Variants in GRID2 observed in about 807,000 individuals in gnomAD.
The protein encoded by GRID2 is glutamate receptor ionotropic, delta-2.
GRID2 carries 33 observed loss-of-function variants against 114.8 expected under a neutral mutation model. The ratio of observed to expected loss-of-function variants is 0.29; its 90% CI spans 0.22 to 0.38. GRID2 has a LOEUF of 0.38. Ranked by LOEUF, GRID2 falls within the 10% of genes least tolerant of loss-of-function variation. The pLI is 1.00. For missense variants in GRID2, 1,184 were observed against 1,257.7 expected (o/e 0.94, Z 0.89); for synonymous variants, 505 against 449.9 (o/e 1.12, Z -1.55).
chr4:93,233,979 C>T (rs1223421164), intron 7 of GRID2, among the ~76,000 whole-genome samples: 3 of 152,060 alleles, frequency 2.0e-5, no homozygotes, highest in East Asian at 1.9e-4. Context: ...CCTTTTAAAA[C>T]GTCTGCATAC....
chr4:93,035,603 C>A (rs1331529449), intron 2 of GRID2, among the ~76,000 whole-genome samples: 3 of 152,112 alleles, frequency 2.0e-5, no homozygotes, highest in African/African-American at 4.8e-5. Context: ...GAAGATATAA[C>A]CTAGGCTACT....
chr4:93,208,138 G>C (rs567901965), intron 5 of GRID2, among the ~76,000 whole-genome samples: 1 of 151,760 alleles, frequency 6.6e-6, no homozygotes, highest in Middle Eastern at 3.4e-3. Flanking sequence ...TGTAGTACTT[G>C]GTCATACCTA....
intron 2 of GRID2, among the ~76,000 whole-genome samples, chr4:93,009,655 G>A (rs1274791621): frequency 6.6e-6 from 1 of 152,004 alleles, no homozygotes; most frequent in East Asian, 1.9e-4. Flanking sequence ...TCTGAATTCA[G>A]GAATTTTTTA....
chr4:93,719,279 A>G (rs1031610953), intron 14 of GRID2, among the ~76,000 whole-genome samples: 1 of 152,114 alleles, frequency 6.6e-6, no homozygotes, highest in African/African-American at 2.4e-5. Flanking sequence ...GACAAGATAA[A>G]CAGAAGAATC....
chr4:93,421,196 A>G (rs181912534), intron 9 of GRID2, among the ~76,000 whole-genome samples: 1 of 152,272 alleles, frequency 6.6e-6, no homozygotes, highest in East Asian at 1.9e-4. Flanking sequence ...CAGGTAGCAG[A>G]AAGAATAAGA....
chr4:92,575,659 C>T (rs1727853104), intron 1 of GRID2, among the ~76,000 whole-genome samples: 1 of 152,334 alleles, frequency 6.6e-6, no homozygotes, highest in South Asian at 2.1e-4. Flanking sequence ...GTCCCTTCCT[C>T]TGGAAGCTCC....
downstream of GRID2, among the ~76,000 whole-genome samples, chr4:93,777,985 C>T (rs1734399537): frequency 6.6e-6 from 1 of 152,016 alleles, no homozygotes; most frequent in African/African-American, 2.4e-5. Context: ...ACATAGATAC[C>T]TATATGCAAA....
chr4:92,753,278 G>A (rs1737544059), intron 2 of GRID2, among the ~76,000 whole-genome samples: 1 of 152,142 alleles, frequency 6.6e-6, no homozygotes, highest in Admixed American at 6.6e-5. Flanking sequence ...TCTATAGAAT[G>A]ATACCACTTT....
intron 2 of GRID2, among the ~76,000 whole-genome samples, chr4:92,743,682 C>A (rs916953002): frequency 6.6e-6 from 1 of 152,042 alleles, no homozygotes; most frequent in Non-Finnish European, 1.5e-5. Context: ...AATCAGTGTC[C>A]ATGTTGTACA....
At chr4:93,695,614 A>G (rs569741218) in intron 14 of GRID2, among the ~76,000 whole-genome samples, 54 of 152,288 alleles carry the variant, frequency 3.5e-4, no homozygotes, top group African/African-American at 1.2e-3. Flanking sequence ...CGGTGCTGAA[A>G]AATCACCAAC....
chr4:93,756,210 G>A (rs1189908563), intron 14 of GRID2, among the ~76,000 whole-genome samples: 2 of 152,166 alleles, frequency 1.3e-5, no homozygotes, highest in Admixed American at 1.3e-4. Flanking sequence ...TTTCACTCCA[G>A]ATATGATTCA....
intron 1 of GRID2, among the ~76,000 whole-genome samples, chr4:93,780,913 T>C (rs17021105): frequency 0.14 from 20,686 of 152,156 alleles, 1,887 homozygotes; most frequent in Admixed American, 0.27. Flanking sequence ...ATAATTTCGG[T>C]ATGTGCTGAA....
intron 1 of GRID2, among the ~76,000 whole-genome samples, chr4:92,542,097 G>A (rs541801586): frequency 1.6e-4 from 24 of 152,126 alleles, no homozygotes; most frequent in African/African-American, 5.5e-4. Context: ...TGAAAATGTA[G>A]TTCCCAAATG....
intron 2 of GRID2, among the ~76,000 whole-genome samples, chr4:92,598,944 G>A (rs1729074508): frequency 6.6e-6 from 1 of 151,498 alleles, no homozygotes. Flanking sequence ...TGCGTAGTCA[G>A]CGACATATTT....
intron 4 of GRID2, among the ~76,000 whole-genome samples, chr4:93,118,916 A>C (rs1733528956): frequency 6.6e-6 from 1 of 152,252 alleles, no homozygotes; most frequent in Non-Finnish European, 1.5e-5. Context: ...ATGCAAAGTT[A>C]TTGAAATATT....
At chr4:93,362,032 G>A (rs1428482253) in intron 8 of GRID2, among the ~76,000 whole-genome samples, 1 of 151,920 alleles carries the variant, frequency 6.6e-6, no homozygotes, top group Non-Finnish European at 1.5e-5. Context: ...TTTTATTGGA[G>A]ATGGGCTGTT....
At chr4:93,598,208 C>A (rs1316595977) in intron 13 of GRID2, among the ~76,000 whole-genome samples, 6 of 152,184 alleles carry the variant, frequency 3.9e-5, no homozygotes, top group Admixed American at 2.0e-4. Context: ...ACTCTAGACT[C>A]TGTGTTCTTA....
At chr4:92,404,386 C>T (rs1560609718) in intron 1 of GRID2, among the ~76,000 whole-genome samples, 1 of 152,132 alleles carries the variant, frequency 6.6e-6, no homozygotes, top group Non-Finnish European at 1.5e-5. Context: ...CAAGAAACAA[C>T]AGATGCTGGC....
chr4:93,593,683 C>G (rs1738677482), intron 13 of GRID2, among the ~76,000 whole-genome samples: 3 of 152,182 alleles, frequency 2.0e-5, no homozygotes, highest in South Asian at 2.1e-4. Flanking sequence ...CCATCACTTT[C>G]AGGTACACCA....
Sources: gnomAD v4.1 joint callset for allele counts (sites outside exome capture counted in the v4.1 genomes callset) on GRCh38, gnomAD v4.1.1 for gene constraint, MANE v1.5 for transcripts, NCBI Gene and HGNC (gene_info 2026-07-23, HGNC 2026-07-21) for gene names.